Variants in LOXHD1 observed in about 807,000 individuals in gnomAD.
LOXHD1 encodes lipoxygenase homology domain-containing protein 1.
A neutral mutation model predicts 248.2 loss-of-function variants in LOXHD1; 205 were observed. The observed-to-expected ratio is 0.83, with a 90% confidence interval of 0.74 to 0.93. The LOEUF is 0.93. Ranked by LOEUF, LOXHD1 falls within the 40% of genes least tolerant of loss-of-function variation. LOXHD1 has a pLI of 0.00. For synonymous variants in LOXHD1, 1,113 were observed against 1,162.8 expected (o/e 0.96, Z 0.87); for missense variants, 2,930 against 2,971.6 (o/e 0.99, Z 0.33).
At chr18:46,641,844 AGC>A (rs1226086870) in intron 3 of LOXHD1, 110 bp downstream of exon 3, 16 of 1,057,916 alleles carry the variant, frequency 1.5e-5, no homozygotes, top group Non-Finnish European at 2.2e-5. Context: ...GGCCTTTGGT[AGC>A]CCCTCAAATA....
intron 37 of LOXHD1, among the ~76,000 whole-genome samples, chr18:46,503,824 G>C (rs987402086): frequency 2.0e-5 from 3 of 152,154 alleles, no homozygotes; most frequent in African/African-American, 7.2e-5. Context: ...CAGAGATAAA[G>C]AGGCTGCCTC....
chr18:46,621,045 G>A (rs1568220647), intron 4 of LOXHD1, among the ~76,000 whole-genome samples: 1 of 152,154 alleles, frequency 6.6e-6, no homozygotes, highest in Non-Finnish European at 1.5e-5. Flanking sequence ...CAGCTGAGGT[G>A]GACAAGGGAC....
intron 1 of LOXHD1, among the ~76,000 whole-genome samples, chr18:46,656,157 CT>C (rs376238744): frequency 7.2e-4 from 109 of 152,220 alleles, no homozygotes; most frequent in African/African-American, 2.6e-3. Context: ...TAAACCAGAC[CT>C]AGTATGAGAT....
rs750264813 is a variant in LOXHD1 at position 46,593,651 on chromosome 18, G to A, written c.1380C>T (p.Leu460=). ...YGQKGRTDEI[L]LNPNNKWFKP... ...TGAACCACTTGTTGTTGGGATTCAG[G>A]AGAATCTCATCTGTCCGCCCCTTCT... Residue 460 remains leucine (L), a synonymous_variant, in exon 10 of 41, where the codon CTC becomes CTT. Coordinates refer to ENST00000642948, the MANE Select transcript of LOXHD1 (RefSeq NM_001384474.1). 2 of 1,552,276 alleles carry A rather than the reference G, an allele frequency of 1.3e-6. No individual in the cohort carries two copies. The highest frequency in any genetic ancestry group is 1.7e-6 in the Non-Finnish European group (2 of 1,147,108).
intron 8 of LOXHD1, among the ~76,000 whole-genome samples, chr18:46,596,138 A>C (rs2144255719): frequency 6.7e-6 from 1 of 149,950 alleles, no homozygotes; most frequent in Non-Finnish European, 1.5e-5. Flanking sequence ...ATATTCTGTT[A>C]TTTAAAAACT....
chr18:46,617,630 C>T (rs1469915019), intron 5 of LOXHD1, among the ~76,000 whole-genome samples: 1 of 151,746 alleles, frequency 6.6e-6, no homozygotes, highest in African/African-American at 2.4e-5. Context: ...GCTTTTCCAA[C>T]TCCTATGTAA....
At chr18:46,643,274 T>G (rs2038986242) in intron 2 of LOXHD1, among the ~76,000 whole-genome samples, 3 of 152,170 alleles carry the variant, frequency 2.0e-5, no homozygotes, top group Non-Finnish European at 1.5e-5. Flanking sequence ...CAGAACCTTC[T>G]GAGTTTGCTG....
At chr18:46,607,181 A>G (rs1460717756) in intron 6 of LOXHD1, among the ~76,000 whole-genome samples, 1 of 151,826 alleles carries the variant, frequency 6.6e-6, no homozygotes, top group Non-Finnish European at 1.5e-5. Context: ...AAAAAAAAAA[A>G]TTATATTGTA....
Position 46,645,938 on chromosome 18 carries a change from A to G in LOXHD1, c.245+3217T>C, listed in dbSNP as rs577573389. 1.8e-4 allele frequency among the ~76,000 whole-genome samples: 27 copies of G among 152,340 alleles called. 1 individual carries two copies. The South Asian group carries it at 5.6e-3, about 32-fold the overall frequency. On this transcript the variant is annotated intron_variant, in intron 2 of 40. Coordinates refer to ENST00000642948, the MANE Select transcript of LOXHD1 (RefSeq NM_001384474.1). ...GACATGACGAGAGATCACGGAGGAC[A>G]GGTCAGGAGAAACACCATGAAAGAG...
chr18:46,533,990 T>G (rs1454304287), intron 27 of LOXHD1, among the ~76,000 whole-genome samples: 1 of 152,228 alleles, frequency 6.6e-6, no homozygotes, highest in Non-Finnish European at 1.5e-5. Context: ...TTTATACTTT[T>G]GTGGCTTCAG....
At chr18:46,555,127 T>C (rs2037268648) in intron 21 of LOXHD1, 1 of 471,048 alleles carries the variant, frequency 2.1e-6, no homozygotes, top group Non-Finnish European at 4.4e-6. Context: ...TTACTAACCC[T>C]GATGGAGCTG....
intron 4 of LOXHD1, among the ~76,000 whole-genome samples, chr18:46,625,494 C>G (rs1437283152): frequency 1.5e-5 from 2 of 134,280 alleles, no homozygotes; most frequent in East Asian, 2.5e-4. Flanking sequence ...AGCTGATGAG[C>G]TAAAAAAAAA....
intron 7 of LOXHD1, among the ~76,000 whole-genome samples, chr18:46,602,293 C>T (rs2038351892): frequency 6.6e-6 from 1 of 152,172 alleles, no homozygotes; most frequent in Admixed American, 6.5e-5. Context: ...GCAACCTCTA[C>T]TTCCCAGGCT....
intron 26 of LOXHD1, 136 bp from the exon 27 acceptor site, chr18:46,534,587 C>T: frequency 1.5e-6 from 1 of 687,488 alleles, no homozygotes; most frequent in Non-Finnish European, 2.6e-6. Context: ...ACTATCCAGC[C>T]AGGCCAGCTC....
At chr18:46,569,065 A>G (rs141015255) in intron 16 of LOXHD1, among the ~76,000 whole-genome samples, 7 of 148,208 alleles carry the variant, frequency 4.7e-5, no homozygotes, top group Non-Finnish European at 1.0e-4. Flanking sequence ...CCCTTTTCTT[A>G]GTCCTCCCTT....
At chr18:46,577,011 C>A (rs1375623891) in intron 14 of LOXHD1, among the ~76,000 whole-genome samples, 3 of 152,228 alleles carry the variant, frequency 2.0e-5, no homozygotes, top group Non-Finnish European at 4.4e-5. Flanking sequence ...GGACACATAG[C>A]AACTCATCTC....
intron 2 of LOXHD1, among the ~76,000 whole-genome samples, chr18:46,646,023 C>T (rs2039024935): frequency 6.6e-6 from 1 of 152,194 alleles, no homozygotes. Flanking sequence ...TGCATTGCTG[C>T]AGTGTGAACT....
intron 34 of LOXHD1, among the ~76,000 whole-genome samples, chr18:46,516,372 G>A (rs1421106855): frequency 1.3e-5 from 2 of 152,168 alleles, no homozygotes; most frequent in African/African-American, 2.4e-5. Context: ...TGTTGATATG[G>A]GAAGAATTCA....
intron 6 of LOXHD1, among the ~76,000 whole-genome samples, chr18:46,606,102 A>T (rs2038409049): frequency 6.6e-6 from 1 of 152,220 alleles, no homozygotes; most frequent in Non-Finnish European, 1.5e-5. Flanking sequence ...AAAGACAGAT[A>T]AGACTACAAT....
Sources: allele counts gnomAD v4.1 joint callset (sites outside exome capture counted in the v4.1 genomes callset), GRCh38; gene constraint gnomAD v4.1.1; transcripts MANE v1.5; gene names NCBI Gene and HGNC (gene_info 2026-07-23, HGNC 2026-07-21).